The following PEBP4 variants were observed in gnomAD, a reference collection of about 807,000 sequenced individuals.
The protein encoded by PEBP4 is phosphatidylethanolamine binding protein 4.
In PEBP4, 22 loss-of-function variants were observed where a neutral mutation model predicts 23.9. That is an observed-to-expected ratio of 0.92 (90% CI 0.66 to 1.31). The LOEUF (loss-of-function observed/expected upper bound fraction) is 1.31, where lower values mean the gene tolerates loss of function less well. Among genes scored for constraint, PEBP4 ranks in the 40% most tolerant of loss-of-function variants. The pLI, the probability that PEBP4 is intolerant of heterozygous loss-of-function variation, is 0.00. For synonymous variants in PEBP4, 112 were observed against 99.3 expected, an observed-to-expected ratio of 1.13 and a Z score of -0.76; for missense variants, 324 against 281.7, an observed-to-expected ratio of 1.15 and a Z score of -1.07.
At chr8:22,746,747 T>G (rs1805128052) in intron 4 of PEBP4, among the ~76,000 whole-genome samples, 1 of 152,144 alleles carries the variant, frequency 6.6e-6, no homozygotes, top group Non-Finnish European at 1.5e-5. Flanking sequence ...TCCCTCCAGA[T>G]CGGTGCTGTC....
intron 4 of PEBP4, 96 bp from the exon 5 acceptor site, chr8:22,727,316 G>T (rs1397905917): frequency 1.8e-5 from 21 of 1,166,256 alleles, no homozygotes; most frequent in Non-Finnish European, 2.5e-5. Context: ...GCAGGAGGAG[G>T]ATGGGAGAGG....
intron 4 of PEBP4, among the ~76,000 whole-genome samples, chr8:22,770,173 G>A (rs1454261538): frequency 6.6e-6 from 1 of 152,238 alleles, no homozygotes; most frequent in African/African-American, 2.4e-5. Context: ...TTGTGTGAAT[G>A]AGAAAGAAGG....
chr8:22,722,836 G>T (rs10110300), intron 6 of PEBP4, among the ~76,000 whole-genome samples: 57,796 of 151,168 alleles, frequency 0.38, 11,769 homozygotes, highest in African/African-American at 0.52. Context: ...GTAGTGGCGC[G>T]ATCTCAGCTC....
intron 3 of PEBP4, among the ~76,000 whole-genome samples, chr8:22,835,279 C>T (rs1807178213): frequency 6.6e-6 from 1 of 152,160 alleles, no homozygotes; most frequent in Non-Finnish European, 1.5e-5. Flanking sequence ...GACTGTGAAG[C>T]AATGTCTGTG....
intron 3 of PEBP4, among the ~76,000 whole-genome samples, chr8:22,823,416 CTGTT>C (rs543436107): frequency 2.0e-5 from 3 of 151,806 alleles, no homozygotes; most frequent in Non-Finnish European, 4.4e-5. Flanking sequence ...ATGGAACACT[CTGTT>C]AGAGTTAGAT....
intron 4 of PEBP4, among the ~76,000 whole-genome samples, chr8:22,736,013 A>G (rs1269394194): frequency 6.6e-6 from 1 of 152,244 alleles, no homozygotes; most frequent in African/African-American, 2.4e-5. Context: ...TTGGTTCCAA[A>G]GTTTCTTGTC....
At chr8:22,913,423 C>T (rs534463145) in intron 3 of PEBP4, among the ~76,000 whole-genome samples, 4 of 152,158 alleles carry the variant, frequency 2.6e-5, no homozygotes, top group Admixed American at 6.5e-5. Context: ...TCATTCCCCA[C>T]GCTCTGCCCC....
rs1386561439 is a variant in PEBP4, at chr8:22,811,179, A to C, written c.357+6458T>G. Among the ~76,000 whole-genome samples the C allele has an allele frequency of 2.6e-5, 4 of 152,194 alleles. No individual in the cohort carries two copies. In the East Asian group the frequency reaches 5.8e-4, roughly 22 times the overall value. Reference sequence around the variant, plus strand: ...TCCAATTCACTGCATTATCCCTTGAATATTTTAATGACTCATTGAATGAAG... The same window carrying C: ...TCCAATTCACTGCATTATCCCTTGACTATTTTAATGACTCATTGAATGAAG... On this transcript the variant is annotated intron_variant, in intron 4 of 6. Coordinates refer to ENST00000256404, the MANE Select transcript of PEBP4 (RefSeq NM_144962.3).
intron 3 of PEBP4, among the ~76,000 whole-genome samples, chr8:22,911,548 C>G (rs1808939395): frequency 6.6e-6 from 1 of 152,228 alleles, no homozygotes; most frequent in South Asian, 2.1e-4. Flanking sequence ...TTCTAAAAAT[C>G]TGCCAAACCT....
intron 6 of PEBP4, among the ~76,000 whole-genome samples, chr8:22,713,942 A>C (rs1313943060): frequency 1.3e-5 from 2 of 152,184 alleles, no homozygotes; most frequent in Non-Finnish European, 2.9e-5. Context: ...CCAGGACAGG[A>C]GGCTTCACCC....
At chr8:22,764,565 T>A (rs1288567170) in intron 4 of PEBP4, among the ~76,000 whole-genome samples, 2 of 152,196 alleles carry the variant, frequency 1.3e-5, no homozygotes, top group African/African-American at 4.8e-5. Flanking sequence ...ATATATATTA[T>A]AATAGTGTTC....
chr8:22,901,649 T>G (rs1321406318), intron 3 of PEBP4, among the ~76,000 whole-genome samples: 1 of 152,148 alleles, frequency 6.6e-6, no homozygotes, highest in African/African-American at 2.4e-5. Context: ...AGGCCAAACC[T>G]ACTCAAAGGA....
rs567308515 is a variant in PEBP4 at position 22,778,204 on chromosome 8, CCT to C, written c.357+39431_357+39432del. Among the ~76,000 whole-genome samples, 106 of 152,018 alleles carry C rather than the reference CCT, an allele frequency of 7.0e-4. 1 individual carries two copies. In the Middle Eastern group the frequency reaches 0.024, roughly 34 times the overall value. On this transcript the variant is annotated intron_variant, in intron 4 of 6. Transcript: ENST00000256404. ...CTCTGCAGTGATTGTCCATCTCGCCCCTCTCTGCTTGGGCTCGGCACAGGTAA... is the reference window on the plus strand; with the variant it reads ...CTCTGCAGTGATTGTCCATCTCGCCCCTCTGCTTGGGCTCGGCACAGGTAA...
chr8:22,867,287 A>G (rs1213691800), intron 3 of PEBP4, among the ~76,000 whole-genome samples: 1 of 152,176 alleles, frequency 6.6e-6, no homozygotes, highest in African/African-American at 2.4e-5. Flanking sequence ...GAAGGTGCCA[A>G]AGTGCTGGGT....
chr8:22,758,666 C>T (rs182267161), intron 4 of PEBP4, among the ~76,000 whole-genome samples: 2 of 152,284 alleles, frequency 1.3e-5, no homozygotes, highest in East Asian at 3.9e-4. Context: ...CTAATGATGC[C>T]TACTTCAGGG....
chr8:22,924,974 G>A, intron 2 of PEBP4: 1 of 985,384 alleles, frequency 1.0e-6, no homozygotes, highest in Non-Finnish European at 1.2e-6. Flanking sequence ...TTCCCTGGTA[G>A]ACCAAATGCC....
At chr8:22,896,368 T>C (rs1808589965) in intron 3 of PEBP4, 1 of 152,224 alleles carries the variant, frequency 6.6e-6, no homozygotes. Context: ...TGGGGTATTA[T>C]CCAGGCTCCA....
intron 3 of PEBP4, among the ~76,000 whole-genome samples, chr8:22,854,958 G>GCA (rs1478598939): frequency 0.16 from 23,354 of 142,258 alleles, 2,102 homozygotes; most frequent in Admixed American, 0.23. Context: ...GTGTGTGTGC[G>GCA]TGCAAGCTTG....
intron 3 of PEBP4, among the ~76,000 whole-genome samples, chr8:22,830,734 T>C (rs934100937): frequency 1.3e-5 from 2 of 152,036 alleles, no homozygotes; most frequent in African/African-American, 2.4e-5. Flanking sequence ...CACCGCCAAT[T>C]CTTGTCAATT....
Sources: gnomAD v4.1 joint callset for allele counts (sites outside exome capture counted in the v4.1 genomes callset) on GRCh38, gnomAD v4.1.1 for gene constraint, MANE v1.5 for transcripts, NCBI Gene and HGNC (gene_info 2026-07-23, HGNC 2026-07-21) for gene names.